The following GALK2 variants were observed in gnomAD, a reference collection of about 807,000 sequenced individuals.
The protein encoded by GALK2 is galactokinase 2.
In GALK2, 36 loss-of-function variants were observed where a neutral mutation model predicts 52.4. The observed-to-expected ratio is 0.69, with a 90% CI of 0.53 to 0.91. GALK2 has a LOEUF of 0.91. Among genes scored for constraint, GALK2 ranks in the 40% least tolerant of loss-of-function variants. GALK2 has a pLI of 0.00. For synonymous variants in GALK2, 176 were observed against 199.1 expected (o/e 0.88, Z 0.98); for missense variants, 579 against 559.1 (o/e 1.04, Z -0.36).
intron 1 of GALK2, among the ~76,000 whole-genome samples, chr15:49,181,431 A>T (rs1193713371): frequency 2.0e-5 from 3 of 150,054 alleles, no homozygotes; most frequent in African/African-American, 7.4e-5. Context: ...AAGGCCAAGG[A>T]TTCTTATTCA....
At position 49,170,434 on chromosome 15, in the gene GALK2, G is replaced by A. The variant is rs191988621; in HGVS notation, c.53+59G>A. On this transcript the variant is annotated intron_variant, in intron 1 of 9. Transcript: ENST00000560031. ...GCTGGGTTGGCTACGTGTAGATCGG[G>A]TCCACAGCACTTGGCTCCTCCCTTG... The A allele has an allele frequency of 2.2e-4, 341 of 1,524,386 alleles. No homozygotes were observed. In the East Asian group the frequency reaches 7.6e-3, roughly 34 times the overall value. The allele number at this position is 1,524,386 out of a possible 1,614,324, so 94.4% of individuals were successfully genotyped here. A position where few individuals can be genotyped will look rare whatever the true frequency, so the allele number is the denominator to read the frequency against.
intron 3 of GALK2, among the ~76,000 whole-genome samples, chr15:49,339,011 C>T (rs983403273): frequency 3.3e-5 from 5 of 152,072 alleles, no homozygotes; most frequent in Admixed American, 6.6e-5. Context: ...AACTGGTTAT[C>T]CTAGTTAGCA....
chr15:49,179,234 A>T (rs1037928295), intron 1 of GALK2, among the ~76,000 whole-genome samples: 2 of 152,178 alleles, frequency 1.3e-5, no homozygotes, highest in African/African-American at 4.8e-5. Context: ...TAATTATTTT[A>T]TACTTATAAA....
intron 8 of GALK2, 71 bp from the exon 9 acceptor site, chr15:49,319,533 T>C: frequency 8.0e-7 from 1 of 1,256,960 alleles, no homozygotes; most frequent in African/African-American, 1.5e-5. Context: ...TCTTTAAAAG[T>C]GTATTTTTCT....
chr15:49,335,582 C>T (rs1013853831), downstream of GALK2: 25 of 883,952 alleles, frequency 2.8e-5, 1 homozygote, highest in Middle Eastern at 2.2e-4. Flanking sequence ...CCAAGGGGAC[C>T]GTGTGACCTT....
At chr15:49,183,634 G>A (rs976604905) in intron 1 of GALK2, among the ~76,000 whole-genome samples, 7 of 152,060 alleles carry the variant, frequency 4.6e-5, no homozygotes, top group East Asian at 3.9e-4. Context: ...ACTTGAGGTC[G>A]GGAGTTTGAG....
At chr15:49,248,033 A>C (rs576528493) in intron 5 of GALK2, among the ~76,000 whole-genome samples, 3 of 152,160 alleles carry the variant, frequency 2.0e-5, no homozygotes, top group African/African-American at 7.2e-5. Flanking sequence ...TTCTGTGCCA[A>C]ATATGTCCAC....
intron 8 of GALK2, among the ~76,000 whole-genome samples, chr15:49,305,010 C>A (rs2035429489): frequency 6.6e-6 from 1 of 152,124 alleles, no homozygotes; most frequent in Non-Finnish European, 1.5e-5. Context: ...ATTCTAATAT[C>A]CTAGTTCAAG....
chr15:49,178,216 T>G lies in GALK2; in HGVS notation c.53+7841T>G, dbSNP rs1205418687. On this transcript the variant is annotated intron_variant, in intron 1 of 9. Transcript: ENST00000560031. The stretch of plus-strand genomic sequence containing the variant: ...AATACTATATATATATATATATATA[T>G]ATATATATATAGAAATAAAATGTAT... Among the ~76,000 whole-genome samples the G allele has an allele frequency of 5.1e-3, 584 of 115,452 alleles. 17 individuals carry two copies. The highest frequency in any genetic ancestry group is 0.018 in the African/African-American group (544 of 30,874). 75.7% of individuals were successfully genotyped at this position (115,452 alleles called of 152,430 possible). A position where few individuals can be genotyped will look rare whatever the true frequency, so the allele number is the denominator to read the frequency against.
intron 3 of GALK2, among the ~76,000 whole-genome samples, chr15:49,355,181 G>A (rs566877673): frequency 1.3e-4 from 20 of 152,176 alleles, no homozygotes; most frequent in Non-Finnish European, 2.6e-4. Flanking sequence ...AAAGCAGAGC[G>A]CCTCTCCTCC....
At chr15:49,209,846 CAT>C (rs1171244042) in intron 2 of GALK2, among the ~76,000 whole-genome samples, 4 of 152,174 alleles carry the variant, frequency 2.6e-5, no homozygotes, top group African/African-American at 9.7e-5. Context: ...ATGCTGGCCT[CAT>C]AGAATAGTTT....
chr15:49,299,726 CTTTCTTTCT>C (rs879861657), intron 8 of GALK2, among the ~76,000 whole-genome samples: 14,543 of 57,054 alleles, frequency 0.25, 1,368 homozygotes, highest in African/African-American at 0.28. Flanking sequence ...TTCTTTCTTT[CTTTCTTTCT>C]TTTCTTTCTT....
intron 2 of GALK2, among the ~76,000 whole-genome samples, chr15:49,212,053 A>C (rs1743515186): frequency 1.3e-5 from 2 of 152,136 alleles, no homozygotes; most frequent in South Asian, 4.1e-4. Flanking sequence ...CTTTAAAAAA[A>C]ATTATCTGAC....
rs1007193210 is a variant in GALK2, at chr15:49,201,215, T to G, written c.107T>G (p.Phe36Cys). The change falls in exon 2 of 10, where the codon TTT (phenylalanine) becomes TGT (cysteine). Residue 36 changes from phenylalanine (F) to cysteine (C), a missense_variant. Phe to Cys is a radical substitution (Grantham distance 205, BLOSUM62 -2). Coordinates refer to ENST00000560031, the MANE Select transcript of GALK2 (RefSeq NM_002044.4). ...TCCAAGTTTGGATCTATTCCCAAGTTTTATGTTCGAGCACCAGGAAGAGTC... is the reference window on the plus strand; with the variant it reads ...TCCAAGTTTGGATCTATTCCCAAGTGTTATGTTCGAGCACCAGGAAGAGTC... Reference protein sequence around the residue: ...FNSKFGSIPKFYVRAPGRVNI... With the variant: ...FNSKFGSIPKCYVRAPGRVNI... 1 of 1,610,588 alleles carries G rather than the reference T, an allele frequency of 6.2e-7. No homozygotes were observed. Among genetic ancestry groups the G allele is most frequent in the Non-Finnish European group, 8.5e-7 (1 of 1,177,346 alleles).
intron 1 of GALK2, among the ~76,000 whole-genome samples, chr15:49,162,647 C>G (rs1276041427): frequency 6.6e-6 from 1 of 152,128 alleles, no homozygotes; most frequent in African/African-American, 2.4e-5. Flanking sequence ...TTACATTATA[C>G]AAGATTGTTA....
At chr15:49,278,048 G>T (rs556511347) in intron 5 of GALK2, among the ~76,000 whole-genome samples, 2 of 151,958 alleles carry the variant, frequency 1.3e-5, no homozygotes, top group African/African-American at 4.8e-5. Context: ...AGATCACGAG[G>T]TCAGGAGATC....
intron 9 of GALK2, among the ~76,000 whole-genome samples, chr15:49,322,301 A>G (rs2036940262): frequency 1.3e-5 from 2 of 152,202 alleles, no homozygotes; most frequent in Admixed American, 6.5e-5. Context: ...TTGGAAAGCC[A>G]ATTGCTAAGT....
chr15:49,353,907 CTT>C (rs1174882540), intron 3 of GALK2: 1 of 152,022 alleles, frequency 6.6e-6, no homozygotes, highest in Non-Finnish European at 1.5e-5. Context: ...TTGATAGTTA[CTT>C]TAGTAATAAC....
At chr15:49,156,474 A>C in intron 1 of GALK2, 1 of 477,738 alleles carries the variant, frequency 2.1e-6, no homozygotes, top group Admixed American at 2.4e-5. Context: ...CCAGAAATTA[A>C]GGGAGAGATT....
Sources: gnomAD v4.1 joint callset for allele counts (sites outside exome capture counted in the v4.1 genomes callset) on GRCh38, gnomAD v4.1.1 for gene constraint, MANE v1.5 for transcripts, NCBI Gene and HGNC (gene_info 2026-07-23, HGNC 2026-07-21) for gene names.